Variants in WDFY4 observed in about 807,000 individuals in gnomAD.
WDFY4 encodes WDFY family member 4, also known as WD repeat- and FYVE domain-containing protein 4.
WDFY4 carries 169 observed loss-of-function variants against 351.9 expected under a neutral mutation model. The ratio of observed to expected loss-of-function variants is 0.48; its 90% CI spans 0.42 to 0.55. The LOEUF (loss-of-function observed/expected upper bound fraction) is 0.55. Ranked by LOEUF, WDFY4 falls within the 20% of genes least tolerant of loss-of-function variation. The pLI is 0.00. For missense variants in WDFY4, 3,803 were observed against 3,935.6 expected, an observed-to-expected ratio of 0.97 and a Z score of 0.90; for synonymous variants, 1,622 against 1,574.6, an observed-to-expected ratio of 1.03 and a Z score of -0.71.
rs950339360 is a variant in WDFY4, at chr10:48,726,146, C to T, written c.781+76C>T. The T allele has an allele frequency of 1.4e-5, 20 of 1,449,684 alleles. No individual in the cohort carries two copies. The Admixed American group carries it at 3.4e-4, about 25-fold the overall frequency. The allele number at this position is 1,449,684 out of a possible 1,614,324, so 89.8% of individuals were successfully genotyped here. A position where few individuals can be genotyped will look rare whatever the true frequency, so the allele number is the denominator to read the frequency against. ...TTGAACTCAGAGCAAAGGCTGAGGG[C>T]CCACTTTCTACAATGAGACTTGGGA... On this transcript the variant is annotated intron_variant, in intron 6 of 61. Transcript: ENST00000325239.
intron 47 of WDFY4, chr10:48,913,395 C>T (rs758549360): frequency 6.2e-7 from 1 of 1,610,084 alleles, no homozygotes; most frequent in African/African-American, 1.3e-5. Flanking sequence ...AAGTCACCTC[C>T]AGTCTTCCCA....
chr10:48,752,045 G>T (rs1036805813), intron 12 of WDFY4, among the ~76,000 whole-genome samples: 1 of 152,174 alleles, frequency 6.6e-6, no homozygotes. Context: ...CGTACCCACA[G>T]GTCCCTTGCG....
At chr10:48,884,803 C>T (rs565906589) in intron 43 of WDFY4, among the ~76,000 whole-genome samples, 4 of 152,260 alleles carry the variant, frequency 2.6e-5, no homozygotes, top group Admixed American at 6.5e-5. Flanking sequence ...TCACCGCTGC[C>T]GCCTCTTCCA....
At chr10:48,904,479 G>A (rs1837515012) in intron 47 of WDFY4, among the ~76,000 whole-genome samples, 1 of 152,188 alleles carries the variant, frequency 6.6e-6, no homozygotes, top group South Asian at 2.1e-4. Flanking sequence ...GCATCTACCT[G>A]AAGGTCAAAA....
chr10:48,821,821 A>T (rs1385085956), intron 34 of WDFY4, among the ~76,000 whole-genome samples: 1 of 152,170 alleles, frequency 6.6e-6, no homozygotes, highest in Non-Finnish European at 1.5e-5. Flanking sequence ...AGGGTGGTGA[A>T]GTGTGGGTTT....
intron 13 of WDFY4, among the ~76,000 whole-genome samples, chr10:48,761,628 A>G (rs1423645527): frequency 1.3e-5 from 2 of 152,220 alleles, no homozygotes; most frequent in Admixed American, 6.5e-5. Context: ...CATTGTGGGA[A>G]GGAAAACTGG....
At chr10:48,753,335 A>G (rs925515244) in intron 12 of WDFY4, among the ~76,000 whole-genome samples, 1 of 152,260 alleles carries the variant, frequency 6.6e-6, no homozygotes, top group Non-Finnish European at 1.5e-5. Context: ...CATTTTCTTA[A>G]TAATGTCCTT....
chr10:48,972,683 C>T (rs141285385), intron 57 of WDFY4, among the ~76,000 whole-genome samples: 2,783 of 152,234 alleles, frequency 0.018, 93 homozygotes, highest in African/African-American at 0.064. Context: ...TTGCTGTTTG[C>T]TTCTGATTGT....
chr10:48,901,100 C>T (rs1205170086), intron 46 of WDFY4, among the ~76,000 whole-genome samples: 1 of 152,176 alleles, frequency 6.6e-6, no homozygotes, highest in African/African-American at 2.4e-5. Context: ...CACCCAGGGC[C>T]CACTACTGCA....
intron 43 of WDFY4, among the ~76,000 whole-genome samples, chr10:48,880,773 C>T (rs533188432): frequency 2.1e-4 from 32 of 152,328 alleles, no homozygotes; most frequent in Non-Finnish European, 4.1e-4. Flanking sequence ...CTTGCTGCCT[C>T]TGGCTTCATG....
intron 12 of WDFY4, among the ~76,000 whole-genome samples, chr10:48,750,344 G>A (rs2065142490): frequency 6.6e-6 from 1 of 152,222 alleles, no homozygotes. Flanking sequence ...CAGGCATTGG[G>A]AGTGTGGGGC....
At chr10:48,792,318 G>A (rs1413496055) in intron 23 of WDFY4, among the ~76,000 whole-genome samples, 1 of 152,158 alleles carries the variant, frequency 6.6e-6, no homozygotes, top group Non-Finnish European at 1.5e-5. Flanking sequence ...TGGCACTGTG[G>A]GCACATCCCG....
chr10:48,818,423 T>A (rs565310944), intron 32 of WDFY4, among the ~76,000 whole-genome samples: 83 of 152,294 alleles, frequency 5.4e-4, no homozygotes, highest in African/African-American at 1.9e-3. Context: ...CTGAAACTGG[T>A]GCTTTAGAAA....
intron 2 of WDFY4, among the ~76,000 whole-genome samples, chr10:48,717,444 T>C (rs2063944391): frequency 6.6e-6 from 1 of 152,216 alleles, no homozygotes; most frequent in South Asian, 2.1e-4. Flanking sequence ...ACATGAGTAC[T>C]CACAAACCAG....
Position 48,901,823 on chromosome 10 carries a change from C to T in WDFY4, c.7546C>T (p.Leu2516=), listed in dbSNP as rs1387363389. The stretch of plus-strand genomic sequence containing the variant: ...TAGCTTCTGCTCTTTCCAACCCAGC[C>T]TGAAGGGGAAAGCCACCTCGGAGGA... ...FKSFCSFQPS[L]KGKATSEDTL... is the part of the protein sequence containing the mutation. The change falls in exon 47 of 62, where the codon CTG becomes TTG. Residue 2516 remains leucine, a synonymous_variant. Transcript: ENST00000325239. 1 of 1,551,604 alleles carries T rather than the reference C, an allele frequency of 6.4e-7. No homozygotes were observed. Among genetic ancestry groups the T allele is most frequent in the South Asian group, 1.2e-5 (1 of 84,060 alleles).
intron 37 of WDFY4, among the ~76,000 whole-genome samples, 170 bp downstream of exon 37, chr10:48,829,066 G>C (rs1254769524): frequency 2.0e-5 from 3 of 152,220 alleles, no homozygotes; most frequent in South Asian, 4.1e-4. Context: ...GGAAATCCTA[G>C]GGTAATCATG....
intron 1 of WDFY4, among the ~76,000 whole-genome samples, chr10:48,707,644 C>T (rs1339321365): frequency 6.6e-6 from 1 of 152,110 alleles, no homozygotes; most frequent in Non-Finnish European, 1.5e-5. Flanking sequence ...AGACATAATG[C>T]TGGGTGAAAG....
At chr10:48,823,624 G>C (rs2067902314) in intron 35 of WDFY4, 3 of 1,016,122 alleles carry the variant, frequency 3.0e-6, no homozygotes, top group Non-Finnish European at 3.5e-6. Flanking sequence ...TGTCAGCTCT[G>C]TGAGGGTTAA....
chr10:48,909,485 T>C (rs1837812698), intron 47 of WDFY4: 1 of 148,146 alleles, frequency 6.8e-6, no homozygotes. Context: ...CTAGGTAATT[T>C]ATAAAGAAAA....
Sources: allele counts gnomAD v4.1 joint callset (sites outside exome capture counted in the v4.1 genomes callset), GRCh38; gene constraint gnomAD v4.1.1; transcripts MANE v1.5; gene names NCBI Gene and HGNC (gene_info 2026-07-23, HGNC 2026-07-21).